Variants in SEM1 observed in about 807,000 individuals in gnomAD.
SEM1 encodes SEM1 26S proteasome subunit, also known as 26S proteasome complex subunit SEM1.
SEM1 carries 3 observed loss-of-function variants against 12.7 expected under a neutral mutation model. The observed-to-expected ratio is 0.24, with a 90% CI of 0.11 to 0.61. The LOEUF (loss-of-function observed/expected upper bound fraction) is 0.61, where lower values mean the gene tolerates loss of function less well. Among genes scored for constraint, SEM1 ranks in the 20% least tolerant of loss-of-function variants. SEM1 has a pLI of 0.88. For missense variants in SEM1, 59 were observed against 81.3 expected, an observed-to-expected ratio of 0.73 and a Z score of 1.06; for synonymous variants, 30 against 27.8, an observed-to-expected ratio of 1.08 and a Z score of -0.25.
At chr7:96,583,355 G>A (rs1022951698) in intron 2 of SEM1, among the ~76,000 whole-genome samples, 2 of 143,046 alleles carry the variant, frequency 1.4e-5, no homozygotes, top group Non-Finnish European at 3.0e-5. Context: ...TATAATTTCT[G>A]TTCTTTTACA....
At chr7:96,638,942 C>T (rs946981589) in intron 2 of SEM1, among the ~76,000 whole-genome samples, 3 of 151,920 alleles carry the variant, frequency 2.0e-5, no homozygotes, top group East Asian at 1.9e-4. Context: ...TATCCCAACA[C>T]TTGAACTTTC....
chr7:96,500,422 C>T (rs992266831), upstream of SEM1, among the ~76,000 whole-genome samples: 4 of 152,002 alleles, frequency 2.6e-5, no homozygotes, highest in Admixed American at 6.6e-5. Flanking sequence ...ATATGTCTCA[C>T]GAATGTAACT....
intron 2 of SEM1, among the ~76,000 whole-genome samples, chr7:96,637,673 G>A (rs1161322068): frequency 1.3e-5 from 2 of 151,970 alleles, no homozygotes; most frequent in African/African-American, 2.4e-5. Context: ...TTCTGCATAA[G>A]ATGAAAGAGA....
chr7:96,643,533 T>C (rs983526388), intron 2 of SEM1, among the ~76,000 whole-genome samples: 7 of 151,964 alleles, frequency 4.6e-5, no homozygotes, highest in Non-Finnish European at 8.8e-5. Flanking sequence ...CTATTCACAA[T>C]AGAAAAGACT....
At chr7:96,491,530 C>T (rs1803007958) in intron 1 of SEM1, among the ~76,000 whole-genome samples, 1 of 152,110 alleles carries the variant, frequency 6.6e-6, no homozygotes, top group African/African-American at 2.4e-5. Flanking sequence ...AGATAAAAAC[C>T]AAACACAGTC....
chr7:96,696,065 T>A (rs1358256595), intron 1 of SEM1: 2 of 151,876 alleles, frequency 1.3e-5, no homozygotes, highest in Admixed American at 6.6e-5. Flanking sequence ...TTCTTTTAAC[T>A]TAGAGAGGGG....
chr7:96,654,557 A>G (rs565777343), intron 2 of SEM1, among the ~76,000 whole-genome samples: 23 of 152,336 alleles, frequency 1.5e-4, no homozygotes, highest in African/African-American at 4.8e-4. Flanking sequence ...CCCATCAGCC[A>G]TGCCATCAGG....
intron 2 of SEM1, chr7:96,486,068 T>C (rs972162281): frequency 7.7e-6 from 5 of 650,990 alleles, no homozygotes; most frequent in Non-Finnish European, 1.0e-5. Flanking sequence ...AAGGAAAATA[T>C]CACGTGTAAA....
At chr7:96,703,227 A>C (rs1370469242) in intron 1 of SEM1, among the ~76,000 whole-genome samples, 1 of 152,170 alleles carries the variant, frequency 6.6e-6, no homozygotes, top group East Asian at 1.9e-4. Flanking sequence ...GGTACTCAGA[A>C]AGTTTGAGAT....
At chr7:96,570,736 C>T (rs910935679) in intron 2 of SEM1, among the ~76,000 whole-genome samples, 1 of 152,128 alleles carries the variant, frequency 6.6e-6, no homozygotes, top group Non-Finnish European at 1.5e-5. Flanking sequence ...ATGGTTGGGT[C>T]GAACGGTATT....
In SEM1 at chr7:96,640,115, A is replaced by T. The variant is rs376448780; in HGVS notation, c.171-17472T>A. Among the ~76,000 whole-genome samples, 14 of 152,088 alleles carry T rather than the reference A, an allele frequency of 9.2e-5. No homozygotes were observed. In the East Asian group the frequency reaches 1.6e-3, roughly 17 times the overall value. Reference sequence around the variant, plus strand: ...AACAGGAATTATCATTCACTGCTGTAATGAATACAAATGCAAAATGGAACA... The same window carrying T: ...AACAGGAATTATCATTCACTGCTGTTATGAATACAAATGCAAAATGGAACA... On this transcript the variant is annotated intron_variant, in intron 2 of 2. Coordinates refer to the SEM1 transcript ENST00000417009. The surrounding 1 kb of genome is among the most constrained non-coding windows in gnomAD (Gnocchi z 4.0).
exon 4 of SEM1, chr7:96,483,741 T>C (rs775554951): frequency 2.4e-5 from 32 of 1,323,234 alleles, no homozygotes; most frequent in Non-Finnish European, 3.2e-5. Flanking sequence ...AGCTAGGAAG[T>C]ATAGTTCTAC....
chr7:96,657,180 T>G (rs957817441), intron 2 of SEM1, among the ~76,000 whole-genome samples: 25 of 152,152 alleles, frequency 1.6e-4, no homozygotes, highest in Non-Finnish European at 7.3e-5. Context: ...AGTTTTTTGT[T>G]AGATGATTTT....
chr7:96,589,258 C>T (rs1035361431), intron 2 of SEM1, among the ~76,000 whole-genome samples: 2 of 152,104 alleles, frequency 1.3e-5, no homozygotes, highest in African/African-American at 2.4e-5. Context: ...GACAGAGTGG[C>T]GCCTGCTACC....
chr7:96,584,423 G>C (rs1806536412), intron 2 of SEM1, among the ~76,000 whole-genome samples: 1 of 151,928 alleles, frequency 6.6e-6, no homozygotes, highest in African/African-American at 2.4e-5. Context: ...TTTCAACTTT[G>C]GTGAATCTGA....
chr7:96,546,839 A>C (rs947957141), intron 2 of SEM1, among the ~76,000 whole-genome samples: 2 of 152,108 alleles, frequency 1.3e-5, no homozygotes, highest in Non-Finnish European at 2.9e-5. Flanking sequence ...TTCAGCCTAA[A>C]GCACATTTTC....
chr7:96,562,850 T>G (rs77578871), intron 2 of SEM1, among the ~76,000 whole-genome samples: 12,469 of 152,234 alleles, frequency 0.082, 606 homozygotes, highest in South Asian at 0.14. Context: ...TTACCATAGA[T>G]GTAGATTTTT....
At chr7:96,543,475 A>G (rs12534960) in intron 2 of SEM1, among the ~76,000 whole-genome samples, 3 of 151,964 alleles carry the variant, frequency 2.0e-5, no homozygotes, top group African/African-American at 7.2e-5. Flanking sequence ...GAAACTGTTT[A>G]CTGTTTAGTC....
intron 2 of SEM1, among the ~76,000 whole-genome samples, chr7:96,544,121 A>G (rs944881541): frequency 3.9e-5 from 6 of 152,008 alleles, no homozygotes; most frequent in African/African-American, 1.4e-4. Context: ...AGAAATGAAA[A>G]TCTCTTAATG....
Sources: gnomAD v4.1 joint callset for allele counts (sites outside exome capture counted in the v4.1 genomes callset) on GRCh38, gnomAD v4.1.1 for gene constraint, Gnocchi (gnomAD v3.1) non-coding constraint, MANE v1.5 for transcripts, NCBI Gene and HGNC (gene_info 2026-07-23, HGNC 2026-07-21) for gene names.